Variants in NRAP observed in about 807,000 individuals in gnomAD.
NRAP encodes the protein nebulin-related-anchoring protein.
NRAP carries 189 observed loss-of-function variants against 225.9 expected under a neutral mutation model. That is an observed-to-expected ratio of 0.84 (90% CI 0.74 to 0.94). The LOEUF is 0.94. NRAP is among the 40% of genes least tolerant of loss of function. NRAP has a pLI of 0.00. For synonymous variants in NRAP, 769 were observed against 790.7 expected (o/e 0.97, Z 0.46); for missense variants, 2,176 against 2,168.7 (o/e 1.00, Z -0.07).
intron 32 of NRAP, among the ~76,000 whole-genome samples, chr10:113,608,184 T>C (rs1432725953): frequency 1.3e-5 from 2 of 152,342 alleles, no homozygotes; most frequent in East Asian, 3.9e-4. Context: ...AATGCTAATG[T>C]AGCTGGTCTG....
At chr10:113,624,788 G>T in intron 22 of NRAP, 38 bp downstream of exon 22, 1 of 1,469,534 alleles carries the variant, frequency 6.8e-7, no homozygotes, top group Non-Finnish European at 9.5e-7. Flanking sequence ...TACACAAAGG[G>T]GAGCAGAGTT....
At chr10:113,659,962 A>C (rs71483202) in intron 3 of NRAP, among the ~76,000 whole-genome samples, 44 of 151,744 alleles carry the variant, frequency 2.9e-4, no homozygotes, top group Non-Finnish European at 5.3e-4. Flanking sequence ...ACCCTAGGGC[A>C]GTTGTAAGAG....
chr10:113,626,215 C>A (rs2134007490), intron 20 of NRAP, 70 bp from the exon 21 acceptor site: 3 of 893,134 alleles, frequency 3.4e-6, no homozygotes, highest in Non-Finnish European at 3.5e-6. Context: ...TCATGTGCCC[C>A]CACACACACA....
At chr10:113,632,994 G>T in intron 16 of NRAP, 90 bp downstream of exon 16, 1 of 765,530 alleles carries the variant, frequency 1.3e-6, no homozygotes, top group Non-Finnish European at 2.4e-6. Context: ...CTCAGGGACA[G>T]ACACTTCCCA....
intron 21 of NRAP, 45 bp downstream of exon 21, chr10:113,626,002 C>T (rs776785584): frequency 7.1e-7 from 1 of 1,399,738 alleles, no homozygotes; most frequent in Non-Finnish European, 9.8e-7. Flanking sequence ...TCCCCCAGGC[C>T]CATGACACAG....
rs750791284 is a variant in NRAP, at chr10:113,650,559, A to G, written c.676-14T>C. 2 of 1,536,786 alleles carry G rather than the reference A, an allele frequency of 1.3e-6. No individual in the cohort carries two copies. The highest frequency in any genetic ancestry group is 1.8e-6 in the Non-Finnish European group (2 of 1,109,316). On this transcript the variant is annotated splice_polypyrimidine_tract_variant and intron_variant, in intron 7 of 41. Transcript: ENST00000359988. ...TGTGTATCTCACCTGAAATGAAAAA[A>G]CATGTGAATCACATGCCCCATGTTT...
intron 5 of NRAP, among the ~76,000 whole-genome samples, chr10:113,653,667 T>C (rs888767982): frequency 6.6e-6 from 1 of 152,202 alleles, no homozygotes; most frequent in African/African-American, 2.4e-5. Flanking sequence ...CTGTCTTCCC[T>C]ATGTGAAAGC....
rs767638529 is a variant in NRAP at position 113,645,888 on chromosome 10, C to G, written c.1047G>C (p.Ser349=). ...NKMKGAAHYH[S]LPAQDNLVLK... is the part of the protein sequence containing the mutation. ...GAACCAAGTTGTCTTGAGCTGGAAG[C>G]GAGTGATAATGTGCAGCGCCTTTCA... Residue 349 remains serine (S), a synonymous_variant, in exon 11 of 42, where the codon TCG becomes TCC. Transcript: ENST00000359988. 1 of 1,610,492 alleles carries G rather than the reference C, an allele frequency of 6.2e-7. No individual in the cohort carries two copies. The highest frequency in any genetic ancestry group is 8.5e-7 in the Non-Finnish European group (1 of 1,178,236).
intron 6 of NRAP, 139 bp downstream of exon 6, chr10:113,652,796 C>A (rs1262516301): frequency 9.3e-6 from 6 of 643,300 alleles, no homozygotes; most frequent in Non-Finnish European, 1.7e-5. Context: ...AAAGTAAGAA[C>A]ACAGTTTTCT....
rs750492902 is a variant in NRAP at position 113,634,137 on chromosome 10, T to C, written c.1502A>G (p.Lys501Arg). 3 of 1,613,854 alleles carry C rather than the reference T, an allele frequency of 1.9e-6. No individual in the cohort carries two copies. The highest frequency in any genetic ancestry group is 2.5e-6 in the Non-Finnish European group (3 of 1,179,754). The change falls in exon 15 of 42, where the codon AAA becomes AGA. Residue 501 changes from lysine (K) to arginine (R), a missense_variant. By Grantham distance (26) the Lys-to-Arg change is conservative. This residue lies in a region of NRAP where 1,708 missense variants were observed against 1,695.5 expected (regional missense o/e 1.01). Transcript: ENST00000359988. ...ATGACTCAGCTGCTGGGCATTGATT[T>C]TGGCTTGAACAATCTGTGGGGTGTC... The part of the protein sequence containing the change: ...VTDTPQIVQA[K>R]INAQQLSHVN...
At chr10:113,616,785 T>C (rs1050221606) in intron 26 of NRAP, among the ~76,000 whole-genome samples, 7 of 152,210 alleles carry the variant, frequency 4.6e-5, no homozygotes, top group Non-Finnish European at 8.8e-5. Flanking sequence ...AGGTTTGCCC[T>C]GCACAAAGAT....
chr10:113,614,223 C>T lies in NRAP; in HGVS notation c.3260G>A (p.Ser1087Asn), dbSNP rs567757092. 6.2e-7 allele frequency: 1 copy of T among 1,614,050 alleles called. No homozygotes were observed. Among genetic ancestry groups the T allele is most frequent in the East Asian group, 2.2e-5 (1 of 44,882 alleles). Residue 1087 changes from serine (S) to asparagine (N), a missense_variant, in exon 29 of 42, where the codon AGC becomes AAC. Physicochemically the swap from Ser to Asn is conservative, Grantham distance 46. Around this residue, in one of 3 missense-constraint regions of NRAP, gnomAD observed 1,708 missense variants for 1,695.5 expected, o/e 1.01. Coordinates refer to ENST00000359988, the MANE Select transcript of NRAP (RefSeq NM_198060.4). The part of the protein sequence containing the change: ...LGSRSLEDDI[S>N]LAHSVYATSL... ...GGTCGCATACACTGAATGTGCAAGG[C>T]TGATATCATCTTCCAAGCTCCGGGA...
At chr10:113,653,905 T>A in intron 5 of NRAP, 116 bp downstream of exon 5, 4 of 742,452 alleles carry the variant, frequency 5.4e-6, no homozygotes, top group Non-Finnish European at 9.8e-6. Flanking sequence ...GACATGGGTA[T>A]CTTTGGGGAT....
intron 12 of NRAP, 88 bp from the exon 13 acceptor site, chr10:113,641,560 G>A: frequency 6.7e-6 from 5 of 747,762 alleles, no homozygotes; most frequent in South Asian, 1.7e-5. Flanking sequence ...TTAAATCCAA[G>A]GCATAAATGA....
intron 38 of NRAP, among the ~76,000 whole-genome samples, chr10:113,593,723 C>A (rs943725506): frequency 1.3e-5 from 2 of 152,238 alleles, no homozygotes; most frequent in African/African-American, 4.8e-5. Flanking sequence ...GGTGGCCCCA[C>A]AAAGGTTAGA....
intron 30 of NRAP, among the ~76,000 whole-genome samples, chr10:113,611,728 C>T (rs1592759643): frequency 6.6e-6 from 1 of 152,308 alleles, no homozygotes; most frequent in East Asian, 1.9e-4. Context: ...TAGCCCTCCT[C>T]AGAAGGCGGG....
rs1312677129 is a variant in NRAP at position 113,588,843 on chromosome 10, A to ATTAT, written c.*128_*131dup. On this transcript the variant is annotated 3_prime_UTR_variant, in exon 42 of 42. Coordinates refer to ENST00000359988, the MANE Select transcript of NRAP (RefSeq NM_198060.4). ...ACATTCTCCATCTGCTTTCAGAGTTATTATTTTAATAAAGGAAGATCTGGG... is the reference window on the plus strand; with the variant it reads ...ACATTCTCCATCTGCTTTCAGAGTTATTATTTATTTTAATAAAGGAAGATCTGGG... 1 of 704,060 alleles carries ATTAT rather than the reference A, an allele frequency of 1.4e-6. No homozygotes were observed. Among genetic ancestry groups the ATTAT allele is most frequent in the East Asian group, 2.5e-5 (1 of 40,416 alleles). The allele number at this position is 704,060 out of a possible 1,614,324, so 43.6% of individuals were successfully genotyped here. A position where few individuals can be genotyped will look rare whatever the true frequency, so the allele number is the denominator to read the frequency against.
chr10:113,606,067 C>T, intron 33 of NRAP, 111 bp downstream of exon 33: 1 of 877,144 alleles, frequency 1.1e-6, no homozygotes, highest in Non-Finnish European at 1.9e-6. Flanking sequence ...CTAAGCTACA[C>T]ATTTTAAAAA....
intron 26 of NRAP, 83 bp from the exon 27 acceptor site, chr10:113,615,899 C>G: frequency 1.3e-6 from 1 of 778,824 alleles, no homozygotes; most frequent in Admixed American, 2.0e-5. Context: ...AGAGTCCAAG[C>G]TGCTGCAGCT....
Sources: allele counts gnomAD v4.1 joint callset (sites outside exome capture counted in the v4.1 genomes callset), GRCh38; gene constraint gnomAD v4.1.1; regional missense constraint gnomAD v4.1.1; transcripts MANE v1.5; gene names NCBI Gene and HGNC (gene_info 2026-07-23, HGNC 2026-07-21).